HNF4A: variants seen among roughly 807,000 people sequenced by gnomAD.
HNF4A encodes the protein hepatocyte nuclear factor 4-alpha.
Under a neutral mutation model 52.4 loss-of-function variants are expected in HNF4A, and 15 were observed. The observed-to-expected ratio is 0.29, with a 90% CI of 0.19 to 0.44. The LOEUF (loss-of-function observed/expected upper bound fraction) is 0.44. Ranked by LOEUF, HNF4A falls within the 20% of genes least tolerant of loss-of-function variation. The probability of loss-of-function intolerance (pLI) is 1.00; values close to 1 mark genes in which losing one functional copy is unlikely to be tolerated. For missense variants in HNF4A, 479 were observed against 647.2 expected, an observed-to-expected ratio of 0.74 and a Z score of 2.82; for synonymous variants, 280 against 264.4, an observed-to-expected ratio of 1.06 and a Z score of -0.57.
At chr20:44,398,759 T>A (rs2146331050), upstream of HNF4A, among the ~76,000 whole-genome samples, 1 of 152,354 alleles carries the variant, frequency 6.6e-6, no homozygotes, top group Non-Finnish European at 1.5e-5. Context: ...CTCTTGGATA[T>A]AACGGGTCAT....
chr20:44,426,998 G>A (rs111712515), intron 8 of HNF4A, among the ~76,000 whole-genome samples: 3 of 152,302 alleles, frequency 2.0e-5, no homozygotes, highest in African/African-American at 7.2e-5. Flanking sequence ...ATGACAAGGC[G>A]AGGGTGAGGT....
intron 1 of HNF4A, among the ~76,000 whole-genome samples, chr20:44,371,886 C>T (rs2063037888): frequency 6.6e-6 from 1 of 152,198 alleles, no homozygotes; most frequent in African/African-American, 2.4e-5. Flanking sequence ...TCTAGCAACA[C>T]TGATACCTAT....
intron 1 of HNF4A, among the ~76,000 whole-genome samples, chr20:44,403,688 G>A (rs1428996064): frequency 6.6e-6 from 1 of 152,196 alleles, no homozygotes; most frequent in East Asian, 1.9e-4. Context: ...CAACATGTGT[G>A]GCACTGGCTG....
upstream of HNF4A, among the ~76,000 whole-genome samples, chr20:44,400,364 C>T (rs147218346): frequency 3.5e-4 from 54 of 152,254 alleles, no homozygotes; most frequent in East Asian, 1.9e-3. Context: ...AGAGGATGGA[C>T]GTCTACCAGG....
intron 1 of HNF4A, among the ~76,000 whole-genome samples, chr20:44,360,887 CAAA>C (rs532874453): frequency 1.2e-3 from 178 of 152,282 alleles, no homozygotes; most frequent in African/African-American, 4.0e-3. Context: ...CTTCACCCAT[CAAA>C]TGAGCCTTGG....
At chr20:44,384,712 G>A (rs886342746) in intron 1 of HNF4A, 1 of 152,068 alleles carries the variant, frequency 6.6e-6, no homozygotes, top group African/African-American at 2.4e-5. Flanking sequence ...TTCAAAGGAA[G>A]CAAGAAAATG....
At chr20:44,387,781 AGGTTGGCT>A (rs1287357128) in intron 1 of HNF4A, among the ~76,000 whole-genome samples, 1 of 151,546 alleles carries the variant, frequency 6.6e-6, no homozygotes. Flanking sequence ...ATGATGCATA[AGGTTGGCT>A]GGGGTGGAGA....
intron 1 of HNF4A, chr20:44,384,800 C>T (rs2063199229): frequency 6.6e-6 from 1 of 152,028 alleles, no homozygotes. Flanking sequence ...AGTAAGGGGG[C>T]ATAAAAGATG....
chr20:44,371,314 G>A (rs1377123298), intron 1 of HNF4A, among the ~76,000 whole-genome samples: 1 of 152,154 alleles, frequency 6.6e-6, no homozygotes. Context: ...TCTCAATCTT[G>A]TCGCCGAGGC....
chr20:44,384,886 G>A (rs1470230860), intron 1 of HNF4A, among the ~76,000 whole-genome samples: 1 of 151,766 alleles, frequency 6.6e-6, no homozygotes, highest in Non-Finnish European at 1.5e-5. Flanking sequence ...CCCACCAAGT[G>A]GCCAACATTT....
At chr20:44,427,390 G>T (rs768401814) in intron 8 of HNF4A, among the ~76,000 whole-genome samples, 1 of 152,198 alleles carries the variant, frequency 6.6e-6, no homozygotes, top group Non-Finnish European at 1.5e-5. Flanking sequence ...CTATAGGATT[G>T]CTGTGAGGAT....
At chr20:44,376,915 G>A (rs532834143) in intron 1 of HNF4A, among the ~76,000 whole-genome samples, 3 of 152,052 alleles carry the variant, frequency 2.0e-5, no homozygotes, top group African/African-American at 4.8e-5. Context: ...TTAAAATGCT[G>A]TGTAGGCTGG....
At chr20:44,415,907 C>A (rs1215616111) in intron 5 of HNF4A, among the ~76,000 whole-genome samples, 16 of 152,236 alleles carry the variant, frequency 1.1e-4, no homozygotes, top group Non-Finnish European at 8.8e-5. Flanking sequence ...CTCCCCTGTT[C>A]CTTGTGCTCT....
intron 6 of HNF4A, 27 bp from the exon 7 acceptor site, chr20:44,419,694 A>G (rs747065787): frequency 1.9e-6 from 3 of 1,611,282 alleles, no homozygotes; most frequent in Non-Finnish European, 2.5e-6. Context: ...GTGACTTCCC[A>G]TCCTCCCTCC....
chr20:44,412,457 G>A (rs536247165), intron 3 of HNF4A, among the ~76,000 whole-genome samples: 1 of 152,294 alleles, frequency 6.6e-6, no homozygotes, highest in South Asian at 2.1e-4. Context: ...CTACAAGCGT[G>A]CGGATGCGTC....
chr20:44,382,150 C>A (rs898041115), intron 1 of HNF4A, among the ~76,000 whole-genome samples: 6 of 152,352 alleles, frequency 3.9e-5, no homozygotes, highest in Admixed American at 2.0e-4. Flanking sequence ...CTCTGCTACA[C>A]CACCTTTCTC....
At chr20:44,417,063 G>A (rs768043537) in intron 5 of HNF4A, among the ~76,000 whole-genome samples, 18 of 152,190 alleles carry the variant, frequency 1.2e-4, no homozygotes, top group Non-Finnish European at 2.2e-4. Context: ...TTTAAACATT[G>A]TGCCTCCATT....
chr20:44,372,367 GGGCT>G (rs1230442250), intron 1 of HNF4A, among the ~76,000 whole-genome samples: 9 of 151,986 alleles, frequency 5.9e-5, no homozygotes, highest in Non-Finnish European at 1.0e-4. Context: ...CAAATCTCTT[GGGCT>G]GGTGTCTTCT....
intron 3 of HNF4A, among the ~76,000 whole-genome samples, chr20:44,407,711 A>G (rs559932616): frequency 6.4e-4 from 97 of 151,366 alleles, no homozygotes; most frequent in African/African-American, 2.3e-3. Flanking sequence ...GCTCCCAGCA[A>G]CCACCACCCC....
Sources: allele counts gnomAD v4.1 joint callset (sites outside exome capture counted in the v4.1 genomes callset), GRCh38; gene constraint gnomAD v4.1.1; transcripts MANE v1.5; gene names NCBI Gene and HGNC (gene_info 2026-07-23, HGNC 2026-07-21).